The following CNTNAP2 variants were observed in gnomAD, a reference collection of about 807,000 sequenced individuals.
CNTNAP2 encodes contactin associated protein 2, also known as contactin-associated protein-like 2.
Under a neutral mutation model 155.2 loss-of-function variants are expected in CNTNAP2, and 98 were observed. The observed-to-expected ratio is 0.63, with a 90% CI of 0.54 to 0.75. CNTNAP2 has a LOEUF of 0.75. CNTNAP2 is among the 30% of genes least tolerant of loss of function. The pLI is 0.00. For missense variants in CNTNAP2, 1,727 were observed against 1,688.1 expected (o/e 1.02, Z -0.40); for synonymous variants, 651 against 631.2 (o/e 1.03, Z -0.47).
At chr7:146,812,284 C>G (rs1273398982) in intron 2 of CNTNAP2, among the ~76,000 whole-genome samples, 2 of 151,936 alleles carry the variant, frequency 1.3e-5, no homozygotes, top group African/African-American at 2.4e-5. Flanking sequence ...AGATGAGGAA[C>G]TCGCTGGGAA....
Position 147,702,346 on chromosome 7 carries a change from C to G in CNTNAP2, c.2098+63040C>G, listed in dbSNP as rs567182634. Among the ~76,000 whole-genome samples, 5 of 151,928 alleles carry G rather than the reference C, an allele frequency of 3.3e-5. No homozygotes were observed. The South Asian group carries it at 1.0e-3, about 32-fold the overall frequency. ...CTTGAACAGACTTTCTGATTAAAAT[C>G]AGAAAAAAATACAACTTTCTGATTA... is the stretch of plus-strand genomic sequence containing the variant. On this transcript the variant is annotated intron_variant, in intron 13 of 23. Coordinates refer to ENST00000361727, the MANE Select transcript of CNTNAP2 (RefSeq NM_014141.6).
chr7:147,747,020 G>GTTC (rs1264021433), intron 13 of CNTNAP2, among the ~76,000 whole-genome samples: 1 of 152,132 alleles, frequency 6.6e-6, no homozygotes. Flanking sequence ...TGTGCTGTGT[G>GTTC]TTCTACAAGA....
At chr7:147,079,092 A>G (rs970451978) in intron 4 of CNTNAP2, among the ~76,000 whole-genome samples, 3 of 152,164 alleles carry the variant, frequency 2.0e-5, no homozygotes, top group African/African-American at 7.2e-5. Flanking sequence ...AGTCTGTGAC[A>G]TACTCTGTAA....
intron 5 of CNTNAP2, among the ~76,000 whole-genome samples, chr7:147,112,420 G>A (rs565848548): frequency 3.9e-5 from 6 of 152,222 alleles, no homozygotes; most frequent in Admixed American, 1.3e-4. Context: ...GAATAGTCAC[G>A]GTGAGAGAAG....
intron 21 of CNTNAP2, among the ~76,000 whole-genome samples, chr7:148,325,219 T>A (rs916527173): frequency 1.3e-5 from 2 of 152,206 alleles, no homozygotes; most frequent in South Asian, 2.1e-4. Context: ...AAATACAAAT[T>A]TAAGCATCTT....
intron 22 of CNTNAP2, among the ~76,000 whole-genome samples, chr7:148,385,419 G>A (rs1409454594): frequency 6.6e-6 from 1 of 152,140 alleles, no homozygotes; most frequent in Non-Finnish European, 1.5e-5. Context: ...GACATGTCAG[G>A]GCCACAGAGG....
intron 12 of CNTNAP2, among the ~76,000 whole-genome samples, chr7:147,611,619 T>C (rs1484028071): frequency 6.6e-6 from 1 of 152,222 alleles, no homozygotes; most frequent in Non-Finnish European, 1.5e-5. Flanking sequence ...GTGCTTCATC[T>C]GTCATCCATC....
At chr7:147,726,674 C>T (rs750205761) in intron 13 of CNTNAP2, among the ~76,000 whole-genome samples, 2 of 151,920 alleles carry the variant, frequency 1.3e-5, no homozygotes, top group Non-Finnish European at 2.9e-5. Flanking sequence ...TTACATACTT[C>T]CCCCTTTAAT....
chr7:148,290,703 TA>T (rs1373262413), intron 21 of CNTNAP2, among the ~76,000 whole-genome samples: 2 of 152,206 alleles, frequency 1.3e-5, no homozygotes, highest in Admixed American at 1.3e-4. Flanking sequence ...TTCCCTGTCG[TA>T]ATTAGACCTC....
chr7:146,493,031 A>C (rs1797162716), intron 1 of CNTNAP2, among the ~76,000 whole-genome samples: 1 of 152,218 alleles, frequency 6.6e-6, no homozygotes, highest in Non-Finnish European at 1.5e-5. Context: ...ATAAGTCTAT[A>C]ATCCAGGCAG....
chr7:148,206,951 C>T (rs1253505115), intron 18 of CNTNAP2, among the ~76,000 whole-genome samples: 1 of 152,174 alleles, frequency 6.6e-6, no homozygotes, highest in African/African-American at 2.4e-5. Context: ...CAGGTAGATC[C>T]CATCCTTCCC....
intron 14 of CNTNAP2, among the ~76,000 whole-genome samples, chr7:147,930,366 G>A (rs1800477722): frequency 6.6e-6 from 1 of 152,086 alleles, no homozygotes; most frequent in Non-Finnish European, 1.5e-5. Flanking sequence ...ACACACATAG[G>A]CTGAATGTGA....
intron 15 of CNTNAP2, among the ~76,000 whole-genome samples, chr7:148,111,506 A>T (rs1050708318): frequency 4.6e-5 from 7 of 152,014 alleles, no homozygotes; most frequent in Admixed American, 2.6e-4. Flanking sequence ...TAGAACACAA[A>T]GGAAAAAGAT....
At chr7:147,606,871 A>C (rs1170821333) in intron 12 of CNTNAP2, among the ~76,000 whole-genome samples, 2 of 152,148 alleles carry the variant, frequency 1.3e-5, no homozygotes, top group African/African-American at 2.4e-5. Context: ...AGTGTCCTGC[A>C]TGGGGGCAGA....
intron 13 of CNTNAP2, among the ~76,000 whole-genome samples, chr7:147,725,582 G>C (rs1796627335): frequency 6.6e-6 from 1 of 152,090 alleles, no homozygotes; most frequent in South Asian, 2.1e-4. Context: ...TCCAACTGCA[G>C]CTGTAACTTT....
chr7:147,628,005 T>C (rs1795018143), intron 12 of CNTNAP2, among the ~76,000 whole-genome samples: 1 of 150,928 alleles, frequency 6.6e-6, no homozygotes, highest in Non-Finnish European at 1.5e-5. Flanking sequence ...CAAACCTAAG[T>C]ATAGTTGGTT....
chr7:147,550,861 T>C (rs1330387356), intron 11 of CNTNAP2, among the ~76,000 whole-genome samples: 2 of 152,242 alleles, frequency 1.3e-5, no homozygotes, highest in East Asian at 1.9e-4. Context: ...TATGTACATA[T>C]AGATATAGTA....
At position 148,005,299 on chromosome 7, in the gene CNTNAP2, C is replaced by A. The variant is rs80286437; in HGVS notation, c.2383+27310C>A. ...AGGGCATTAATCCCACTCATGAGGGCTCCATCCTAAAGACCTAATAATCCC... is the reference window on the plus strand; with the variant it reads ...AGGGCATTAATCCCACTCATGAGGGATCCATCCTAAAGACCTAATAATCCC... On this transcript the variant is annotated intron_variant, in intron 15 of 23. Transcript: ENST00000361727. Among the ~76,000 whole-genome samples, 305 of 152,270 alleles carry A rather than the reference C, an allele frequency of 2.0e-3. 7 individuals are homozygous for A. In the East Asian group the frequency reaches 0.052, roughly 26 times the overall value.
At chr7:147,684,130 A>T (rs1351726564) in intron 13 of CNTNAP2, among the ~76,000 whole-genome samples, 3 of 151,836 alleles carry the variant, frequency 2.0e-5, no homozygotes, top group African/African-American at 7.2e-5. Context: ...TTTAAAGAGA[A>T]CATGACAGAT....
Sources: allele counts gnomAD v4.1 joint callset (sites outside exome capture counted in the v4.1 genomes callset), GRCh38; gene constraint gnomAD v4.1.1; transcripts MANE v1.5; gene names NCBI Gene and HGNC (gene_info 2026-07-23, HGNC 2026-07-21).